The following KMT2B variants were observed in gnomAD, a reference collection of about 807,000 sequenced individuals.
The protein encoded by KMT2B is lysine methyltransferase 2B.
KMT2B carries 22 observed loss-of-function variants against 255.3 expected under a neutral mutation model. That is an observed-to-expected ratio of 0.09 (90% CI 0.06 to 0.12). The LOEUF (loss-of-function observed/expected upper bound fraction) is 0.12, where lower values mean the gene tolerates loss of function less well. Ranked by LOEUF, KMT2B falls within the 10% of genes least tolerant of loss-of-function variation. The pLI is 1.00. For missense variants in KMT2B, 3,149 were observed against 3,737.0 expected (o/e 0.84, Z 4.10); for synonymous variants, 1,730 against 1,498.1 (o/e 1.15, Z -3.57).
rs182355148 is a variant in KMT2B, at chr19:35,724,832, A to G, written c.3429+101A>G. 6.3e-5 allele frequency: 76 copies of G among 1,213,418 alleles called. No individual in the cohort carries two copies. In the Admixed American group the frequency reaches 1.1e-3, roughly 18 times the overall value. The allele number at this position is 1,213,418 out of a possible 1,614,324, so 75.2% of individuals were successfully genotyped here. On this transcript the variant is annotated intron_variant, in intron 9 of 36. Transcript: ENST00000420124. ...TGTCGTGGTGTGTCCACATGAGAGGACAGGCCCTGAGGGATGAGGCGGGCC... is the reference window on the plus strand; with the variant it reads ...TGTCGTGGTGTGTCCACATGAGAGGGCAGGCCCTGAGGGATGAGGCGGGCC...
At position 35,719,950 on chromosome 19, in the gene KMT2B, G is replaced by GGCACCCCAA; in HGVS notation, c.611_619dup (p.Gln204_Pro206dup). The stretch of plus-strand genomic sequence containing the variant: ...TGACTGAACTTCTCCGGCGGGCCCA[G>GGCACCCCAA]GCACCCCAAGCACCCCGGAGCCGGG... On this transcript the variant is annotated inframe_insertion, in exon 3 of 37. Coordinates refer to ENST00000420124, the MANE Select transcript of KMT2B (RefSeq NM_014727.3). 1 of 1,613,402 alleles carries GGCACCCCAA rather than the reference G, an allele frequency of 6.2e-7. No individual in the cohort carries two copies. Among genetic ancestry groups the GGCACCCCAA allele is most frequent in the Non-Finnish European group, 8.5e-7 (1 of 1,179,878 alleles).
chr19:35,737,229 C>A lies in KMT2B; in HGVS notation c.7516C>A (p.Pro2506Thr). ...GEGQEEPPLNPHGAARAEVYL... is the reference protein window; with the variant it reads ...GEGQEEPPLNTHGAARAEVYL... ...GGGCCAGGAGGAGCCGCCCCTGAAT[C>A]CCCATGGGGCTGCTCGGGCAGAGGT... The change falls in exon 33 of 37, where the codon CCC becomes ACC. Residue 2506 changes from proline (P) to threonine (T), a missense_variant. By Grantham distance (38) the Pro-to-Thr change is conservative. This residue lies in a region of KMT2B where 103 missense variants were observed against 200.7 expected (regional missense o/e 0.51). Transcript: ENST00000420124. The surrounding 1 kb of genome is among the most constrained non-coding windows in gnomAD (Gnocchi z 5.3). The A allele has an allele frequency of 2.6e-6, 4 of 1,568,596 alleles. No homozygotes were observed. The highest frequency in any genetic ancestry group is 3.5e-6 in the Non-Finnish European group (4 of 1,157,588).
Position 35,736,717 on chromosome 19 carries a change from C to T in KMT2B, c.7187C>T (p.Pro2396Leu), listed in dbSNP as rs754166338. 1.9e-6 allele frequency: 3 copies of T among 1,613,956 alleles called. No homozygotes were observed. Among genetic ancestry groups the T allele is most frequent in the South Asian group, 1.1e-5 (1 of 91,084 alleles). The stretch of plus-strand genomic sequence containing the variant: ...GAGGCTTCGAGCTCTGAGGAAGAGC[C>T]TCCATCCCCAGATGATAAAGAGAAC... ...SGEASSSEEE[P>L]PSPDDKENQA... The change falls in exon 31 of 37, where the codon CCT becomes CTT. Residue 2396 changes from proline (P) to leucine (L), a missense_variant. Coordinates refer to ENST00000420124, the MANE Select transcript of KMT2B (RefSeq NM_014727.3).
At chr19:35,736,312 A>T (rs1427483612) in intron 30 of KMT2B, 1 of 184,646 alleles carries the variant, frequency 5.4e-6, no homozygotes, top group East Asian at 1.4e-4. Context: ...AAAAAAATAG[A>T]TGTGCAAAAT....
chr19:35,724,975 C>T lies in KMT2B; in HGVS notation c.3430-14C>T. 6.3e-7 allele frequency: 1 copy of T among 1,586,712 alleles called. No individual in the cohort carries two copies. Among genetic ancestry groups the T allele is most frequent in the Non-Finnish European group, 8.7e-7 (1 of 1,155,058 alleles). ...AGGCTGGCAGCTCTGAATTCCCCCA[C>T]CTTTCCTCCCCAGGATGCTTTGGCC... On this transcript the variant is annotated splice_polypyrimidine_tract_variant and intron_variant, in intron 9 of 36. Transcript: ENST00000420124.
At position 35,733,238 on chromosome 19, in the gene KMT2B, C is replaced by A; in HGVS notation, c.6689C>A (p.Thr2230Asn). The change falls in exon 28 of 37, where the codon ACC (threonine) becomes AAC (asparagine). Residue 2230 changes from threonine to asparagine, a missense_variant. By Grantham distance (65) the Thr-to-Asn change is moderately conservative. Around this residue, in one of 18 missense-constraint regions of KMT2B, gnomAD observed 897 missense variants for 825.3 expected, o/e 1.09. Coordinates refer to ENST00000420124, the MANE Select transcript of KMT2B (RefSeq NM_014727.3). This position sits in a 1 kb window ranked among gnomAD's most constrained non-coding sequence, Gnocchi z 4.3. ...CCCACCATTTCCCCCACGGCTCCCA[C>A]CTCCTGGACTCTGCCCCCAGGCCCC... ...LPPTISPTAPTSWTLPPGPLL... is the reference protein window; with the variant it reads ...LPPTISPTAPNSWTLPPGPLL... 1 of 1,491,258 alleles carries A rather than the reference C, an allele frequency of 6.7e-7. No individual in the cohort carries two copies. Among genetic ancestry groups the A allele is most frequent in the Non-Finnish European group, 9.1e-7 (1 of 1,095,256 alleles). 92.4% of individuals were successfully genotyped at this position (1,491,258 alleles called of 1,614,324 possible).
chr19:35,736,442 A>G (rs1230583676), intron 30 of KMT2B: 1 of 522,700 alleles, frequency 1.9e-6, no homozygotes. Flanking sequence ...AAAGGCCCCA[A>G]GCCTCTGTGG....
At position 35,727,237 on chromosome 19, in the gene KMT2B, A is replaced by G. The variant is rs1415208819; in HGVS notation, c.4085A>G (p.His1362Arg). ...ATGATGCAGTGCGCACAGTGCGATC[A>G]CTGGGTGCATGCCAAGTGCGAGGGG... Reference protein sequence around the residue: ...SKMMQCAQCDHWVHAKCEGLS... With the variant: ...SKMMQCAQCDRWVHAKCEGLS... The change falls in exon 15 of 37, where the codon CAC (histidine) becomes CGC (arginine). Residue 1362 changes from histidine to arginine, a missense_variant. By Grantham distance (29) the His-to-Arg change is conservative. This residue lies in a region of KMT2B where 377 missense variants were observed against 471.0 expected (regional missense o/e 0.80). Transcript: ENST00000420124. The surrounding 1 kb of genome is among the most constrained non-coding windows in gnomAD (Gnocchi z 4.2). The G allele has an allele frequency of 3.1e-6, 5 of 1,613,568 alleles. No individual in the cohort carries two copies. The highest frequency in any genetic ancestry group is 4.2e-6 in the Non-Finnish European group (5 of 1,179,774).
intron 30 of KMT2B, chr19:35,736,475 C>T: frequency 1.7e-6 from 1 of 585,988 alleles, no homozygotes; most frequent in African/African-American, 1.9e-5. Context: ...CCCAAGAAGT[C>T]CTGCAGAAGA....
Position 35,737,841 on chromosome 19 carries a change from A to G in KMT2B, c.7659-18A>G. On this transcript the variant is annotated intron_variant, in intron 34 of 36. Transcript: ENST00000420124. This position sits in a 1 kb window ranked among gnomAD's most constrained non-coding sequence, Gnocchi z 5.3. ...CATTCTGAGCACCAGCCTGGGTGAC[A>G]CTGCTGTCCCTCACCAGACGTGCCA... The G allele has an allele frequency of 6.4e-7, 1 of 1,559,916 alleles. No homozygotes were observed. Among genetic ancestry groups the G allele is most frequent in the South Asian group, 1.2e-5 (1 of 84,968 alleles).
rs1969964274 is a variant in KMT2B, at chr19:35,737,500, G to A, written c.7551-136G>A. 3 of 759,208 alleles carry A rather than the reference G, an allele frequency of 4.0e-6. No homozygotes were observed. The highest frequency in any genetic ancestry group is 6.2e-6 in the Non-Finnish European group (3 of 480,538). The allele number at this position is 759,208 out of a possible 1,614,324, so 47.0% of individuals were successfully genotyped here. On this transcript the variant is annotated intron_variant, in intron 33 of 36. Coordinates refer to ENST00000420124, the MANE Select transcript of KMT2B (RefSeq NM_014727.3). This position sits in a 1 kb window ranked among gnomAD's most constrained non-coding sequence, Gnocchi z 5.3. ...AGTTGGAGACCAGCGTAGGCAACATGGCAAAACCCCATCTCTAAAATAAAA... is the reference window on the plus strand; with the variant it reads ...AGTTGGAGACCAGCGTAGGCAACATAGCAAAACCCCATCTCTAAAATAAAA...
chr19:35,719,951 G>C lies in KMT2B; in HGVS notation c.604G>C (p.Ala202Pro), dbSNP rs747114453. The change falls in exon 3 of 37, where the codon GCA (alanine) becomes CCA (proline). Residue 202 changes from alanine (A) to proline (P), a missense_variant. Around this residue, in one of 18 missense-constraint regions of KMT2B, gnomAD observed 1,188 missense variants for 1,106.4 expected, o/e 1.07. Transcript: ENST00000420124. ...ALTELLRRAQ[A>P]PQAPRSRACE... ...GACTGAACTTCTCCGGCGGGCCCAG[G>C]CACCCCAAGCACCCCGGAGCCGGGC... 1 of 1,613,336 alleles carries C rather than the reference G, an allele frequency of 6.2e-7. No homozygotes were observed. Among genetic ancestry groups the C allele is most frequent in the South Asian group, 1.1e-5 (1 of 91,076 alleles).
intron 14 of KMT2B, among the ~76,000 whole-genome samples, 194 bp downstream of exon 14, chr19:35,726,547 G>A (rs1969457396): frequency 6.6e-6 from 1 of 152,184 alleles, no homozygotes; most frequent in South Asian, 2.1e-4. Flanking sequence ...TCCTCTGAGG[G>A]TGGTGGGAGT....
rs1441524085 is a variant in KMT2B at position 35,729,978 on chromosome 19, C to T, written c.4929C>T (p.Leu1643=). Residue 1643 remains leucine (L), a synonymous_variant, in exon 23 of 37, where the codon CTC becomes CTT. Coordinates refer to ENST00000420124, the MANE Select transcript of KMT2B (RefSeq NM_014727.3). ...VARGRQMRCE[L]CLKPGATVGC... ...CCTCCCCTACGCAGCGCTGCGAGCT[C>T]TGCCTGAAGCCTGGCGCCACGGTGG... The T allele has an allele frequency of 6.2e-7, 1 of 1,613,224 alleles. No homozygotes were observed. The highest frequency in any genetic ancestry group is 1.1e-5 in the South Asian group (1 of 91,014).
chr19:35,728,134 G>C lies in KMT2B; in HGVS notation c.4534G>C (p.Asp1512His). The change falls in exon 19 of 37, where the codon GAC (aspartate) becomes CAC (histidine). Residue 1512 changes from aspartate to histidine, a missense_variant. Physicochemically the swap from Asp to His is moderately conservative, Grantham distance 81 (BLOSUM62 -1). Coordinates refer to ENST00000420124, the MANE Select transcript of KMT2B (RefSeq NM_014727.3). ...ESAFGWFDAHDPKYWRRSTRL... is the reference protein window; with the variant it reads ...ESAFGWFDAHHPKYWRRSTRL... ...TGCGTTCGGCTGGTTCGACGCCCAC[G>C]ACCCCAAGTACTGGCGACGGAGTAC... is the stretch of plus-strand genomic sequence containing the variant. 6.2e-7 allele frequency: 1 copy of C among 1,600,730 alleles called. No homozygotes were observed. Among genetic ancestry groups the C allele is most frequent in the South Asian group, 1.1e-5 (1 of 88,484 alleles).
In KMT2B at chr19:35,734,656, TG is replaced by T. The variant is rs144302226; in HGVS notation, c.7159+788del. ...GTGTTTATGCAGAAACTGTAATACA[TG>T]GGGTGGAGGCCCCTGGAGGAGGCTT... is the stretch of plus-strand genomic sequence containing the variant. On this transcript the variant is annotated intron_variant, in intron 30 of 36. Coordinates refer to ENST00000420124, the MANE Select transcript of KMT2B (RefSeq NM_014727.3). Among the ~76,000 whole-genome samples the T allele has an allele frequency of 2.0e-3, 304 of 152,212 alleles. 1 individual carries two copies. In the East Asian group the frequency reaches 0.027, roughly 13 times the overall value.
chr19:35,730,396 G>C lies in KMT2B; in HGVS notation c.5131G>C (p.Glu1711Gln). The part of the protein sequence containing the change: ...DVLRRVYVDF[E>Q]GINFKRKFLT... The stretch of plus-strand genomic sequence containing the variant: ...TCTCCGCCGAGTCTATGTGGACTTC[G>C]AGGGCATCAACTTCAAGCGGAAGTT... Residue 1711 changes from glutamate to glutamine, a missense_variant, in exon 24 of 37, where the codon GAG becomes CAG. By Grantham distance (29) the Glu-to-Gln change is conservative. Around this residue, in one of 18 missense-constraint regions of KMT2B, gnomAD observed 58 missense variants for 96.9 expected, o/e 0.60. Transcript: ENST00000420124. 6.2e-7 allele frequency: 1 copy of C among 1,613,716 alleles called. No individual in the cohort carries two copies. Among genetic ancestry groups the C allele is most frequent in the Non-Finnish European group, 8.5e-7 (1 of 1,179,710 alleles).
chr19:35,728,271 G>T lies in KMT2B; in HGVS notation c.4571+100G>T. 8 of 1,058,510 alleles carry T rather than the reference G, an allele frequency of 7.6e-6. No homozygotes were observed. In the South Asian group the frequency reaches 9.8e-5, roughly 13 times the overall value. The allele number at this position is 1,058,510 out of a possible 1,614,324, so 65.6% of individuals were successfully genotyped here. A position where few individuals can be genotyped will look rare whatever the true frequency, so the allele number is the denominator to read the frequency against. On this transcript the variant is annotated intron_variant, in intron 19 of 36. Transcript: ENST00000420124. Reference sequence around the variant, plus strand: ...CTGAGAAGAGATGAGCAGAGGTAGGGTCTGGAGCAGAGCTGGAGAGGAGGG... The same window carrying T: ...CTGAGAAGAGATGAGCAGAGGTAGGTTCTGGAGCAGAGCTGGAGAGGAGGG...
rs1412510402 is a variant in KMT2B at position 35,738,120 on chromosome 19, G to A, written c.7801G>A (p.Val2601Ile). 8 of 1,613,846 alleles carry A rather than the reference G, an allele frequency of 5.0e-6. No homozygotes were observed. Among genetic ancestry groups the A allele is most frequent in the South Asian group, 4.4e-5 (4 of 91,064 alleles). ...CKRNIDAGEMVIEYSGIVIRS... is the reference protein window; with the variant it reads ...CKRNIDAGEMIIEYSGIVIRS... ...GCGCAACATCGACGCGGGGGAGATGGTCATCGAGTACTCTGGCATTGTCAT... is the reference window on the plus strand; with the variant it reads ...GCGCAACATCGACGCGGGGGAGATGATCATCGAGTACTCTGGCATTGTCAT... Residue 2601 changes from valine to isoleucine, a missense_variant, in exon 36 of 37, where the codon GTC becomes ATC. By Grantham distance (29) the Val-to-Ile change is conservative (BLOSUM62 3). Coordinates refer to ENST00000420124, the MANE Select transcript of KMT2B (RefSeq NM_014727.3). This position sits in a 1 kb window ranked among gnomAD's most constrained non-coding sequence, Gnocchi z 8.7.
Sources: allele counts gnomAD v4.1 joint callset (sites outside exome capture counted in the v4.1 genomes callset), GRCh38; gene constraint gnomAD v4.1.1; regional missense constraint gnomAD v4.1.1; non-coding constraint Gnocchi (gnomAD v3.1); transcripts MANE v1.5; gene names NCBI Gene and HGNC (gene_info 2026-07-23, HGNC 2026-07-21).